HECW1: variants seen among roughly 807,000 people sequenced by gnomAD.
HECW1 encodes the protein HECT, C2 and WW domain containing E3 ubiquitin protein ligase 1.
A neutral mutation model predicts 182.3 loss-of-function variants in HECW1; 61 were observed. The ratio of observed to expected loss-of-function variants is 0.33; its 90% CI spans 0.27 to 0.41. The LOEUF is 0.41. HECW1 is among the 10% of genes least tolerant of loss of function. The pLI is 1.00. For missense variants in HECW1, 1,739 were observed against 2,108.9 expected, an observed-to-expected ratio of 0.82 and a Z score of 3.44; for synonymous variants, 859 against 832.6, an observed-to-expected ratio of 1.03 and a Z score of -0.55.
intron 17 of HECW1, 91 bp downstream of exon 17, chr7:43,479,835 T>G: frequency 6.8e-7 from 1 of 1,477,800 alleles, no homozygotes; most frequent in East Asian, 2.3e-5. Flanking sequence ...GGCTAGGATC[T>G]AGGGTTGCCT....
At chr7:43,311,703 T>C in intron 3 of HECW1, 60 bp from the exon 4 acceptor site, 2 of 1,497,790 alleles carry the variant, frequency 1.3e-6, no homozygotes, top group Admixed American at 1.7e-5. Context: ...TTTCGTGTGA[T>C]GACGGTGACT....
At chr7:43,133,525 A>G (rs1787184193) in intron 2 of HECW1, among the ~76,000 whole-genome samples, 1 of 151,884 alleles carries the variant, frequency 6.6e-6, no homozygotes, top group South Asian at 2.1e-4. Flanking sequence ...ATTTTTCTAA[A>G]TTCAAGTTTT....
intron 13 of HECW1, among the ~76,000 whole-genome samples, chr7:43,462,260 C>T (rs1248061027): frequency 2.0e-5 from 3 of 152,102 alleles, no homozygotes; most frequent in Non-Finnish European, 4.4e-5. Flanking sequence ...CCAGGAAAGT[C>T]TCCAGCCTAG....
At chr7:43,504,976 G>A (rs913441285) in intron 21 of HECW1, among the ~76,000 whole-genome samples, 5 of 152,174 alleles carry the variant, frequency 3.3e-5, no homozygotes, top group Non-Finnish European at 7.3e-5. Context: ...ATCTCCGGCA[G>A]CGTGTAACAT....
intron 3 of HECW1, among the ~76,000 whole-genome samples, chr7:43,263,104 G>A (rs1801361202): frequency 2.0e-5 from 3 of 152,126 alleles, no homozygotes; most frequent in South Asian, 2.1e-4. Flanking sequence ...TTACCTGTGC[G>A]ATGAAAAGAA....
At chr7:43,523,224 C>T (rs1034121969) in intron 24 of HECW1, 5 of 238,014 alleles carry the variant, frequency 2.1e-5, no homozygotes, top group Admixed American at 4.9e-5. Flanking sequence ...GGGGGGGTCT[C>T]GAACTCCTGA....
chr7:43,310,273 G>A (rs1266923104), intron 3 of HECW1, among the ~76,000 whole-genome samples: 1 of 152,148 alleles, frequency 6.6e-6, no homozygotes, highest in East Asian at 1.9e-4. Flanking sequence ...GAATAGCCAT[G>A]GTGCCTTGAG....
At chr7:43,236,748 C>T (rs1449018302) in intron 2 of HECW1, among the ~76,000 whole-genome samples, 5 of 152,154 alleles carry the variant, frequency 3.3e-5, no homozygotes, top group African/African-American at 1.2e-4. Flanking sequence ...TATCAGTTTA[C>T]ATTGCCAGGG....
chr7:43,500,592 A>G (rs2079308860), intron 19 of HECW1, 107 bp from the exon 20 acceptor site: 4 of 895,648 alleles, frequency 4.5e-6, no homozygotes, highest in Non-Finnish European at 7.5e-6. Context: ...ACGTTAGGAC[A>G]TTGCTATTCA....
At chr7:43,453,153 A>T (rs77622572) in intron 12 of HECW1, among the ~76,000 whole-genome samples, 3,341 of 152,292 alleles carry the variant, frequency 0.022, 81 homozygotes, top group Non-Finnish European at 0.03. Context: ...AGTTTGCCCA[A>T]GTTGCTGTGT....
At chr7:43,199,267 G>C (rs1310609421) in intron 2 of HECW1, among the ~76,000 whole-genome samples, 2 of 152,202 alleles carry the variant, frequency 1.3e-5, no homozygotes, top group Non-Finnish European at 2.9e-5. Context: ...CATTTTAAAA[G>C]TGTGTTTTAT....
At chr7:43,531,238 C>A (rs1181598666) in intron 24 of HECW1, among the ~76,000 whole-genome samples, 2 of 152,222 alleles carry the variant, frequency 1.3e-5, no homozygotes, top group African/African-American at 4.8e-5. Flanking sequence ...TCACTTGTCA[C>A]CTCCTTCAGG....
intron 8 of HECW1, among the ~76,000 whole-genome samples, chr7:43,424,635 A>AT (rs1202572203): frequency 1.4e-4 from 22 of 152,150 alleles, no homozygotes; most frequent in Admixed American, 9.8e-4. Flanking sequence ...AAATAAATAA[A>AT]AAAATAAATA....
chr7:43,563,849 A>AT lies in HECW1; in HGVS notation c.*1924dup, dbSNP rs765608973. ...GTGCCACTGCACTCCAGCCTGGATG[A>AT]TCAAGGGAGACACCATCTAAAAAAA... On this transcript the variant is annotated 3_prime_UTR_variant, in exon 30 of 30. Coordinates refer to ENST00000395891, the MANE Select transcript of HECW1 (RefSeq NM_015052.5). The AT allele has an allele frequency of 5.6e-5, 10 of 180,070 alleles. No homozygotes were observed. Among genetic ancestry groups the AT allele is most frequent in the Non-Finnish European group, 1.2e-5 (1 of 84,344 alleles). 11.2% of individuals were successfully genotyped at this position (180,070 alleles called of 1,614,324 possible). A position where few individuals can be genotyped will look rare whatever the true frequency, so the allele number is the denominator to read the frequency against.
intron 5 of HECW1, among the ~76,000 whole-genome samples, chr7:43,358,822 T>A (rs1815493930): frequency 7.3e-6 from 1 of 136,448 alleles, no homozygotes. Context: ...TATATTCTTT[T>A]TTTTTTTTTT....
intron 7 of HECW1, among the ~76,000 whole-genome samples, chr7:43,404,817 A>T (rs750187229): frequency 6.6e-6 from 1 of 152,142 alleles, no homozygotes; most frequent in Non-Finnish European, 1.5e-5. Flanking sequence ...CCTACTAAAA[A>T]TACAAAAAAT....
rs58487130 is a variant in HECW1 at position 43,243,598 on chromosome 7, GAA to G, written c.-31-267_-31-266del. On this transcript the variant is annotated intron_variant, in intron 2 of 29. Transcript: ENST00000395891. The surrounding 1 kb of genome is among the most constrained non-coding windows in gnomAD (Gnocchi z 4.0). ...CACCAGATCCTTGTTTCTTGAAAAAGAAAAAAAAAAATTCTAGGCTCATGAGT... is the reference window on the plus strand; with the variant it reads ...CACCAGATCCTTGTTTCTTGAAAAAGAAAAAAAAATTCTAGGCTCATGAGT... Among the ~76,000 whole-genome samples, 1 of 146,272 alleles carries G rather than the reference GAA, an allele frequency of 6.8e-6. No homozygotes were observed. Among genetic ancestry groups the G allele is most frequent in the Non-Finnish European group, 1.5e-5 (1 of 66,124 alleles).
chr7:43,312,946 C>T (rs973324442), intron 4 of HECW1, among the ~76,000 whole-genome samples: 3 of 152,364 alleles, frequency 2.0e-5, no homozygotes, highest in Admixed American at 6.5e-5. Flanking sequence ...GGCCTTCTGC[C>T]TTCAGTCTGT....
intron 3 of HECW1, among the ~76,000 whole-genome samples, chr7:43,297,251 G>A (rs140254421): frequency 2.2e-4 from 33 of 152,328 alleles, no homozygotes; most frequent in African/African-American, 7.7e-4. Context: ...GATACAGTCA[G>A]AGCAAGGGCA....
Sources: allele counts gnomAD v4.1 joint callset (sites outside exome capture counted in the v4.1 genomes callset), GRCh38; gene constraint gnomAD v4.1.1; non-coding constraint Gnocchi (gnomAD v3.1); transcripts MANE v1.5; gene names NCBI Gene and HGNC (gene_info 2026-07-23, HGNC 2026-07-21).